ARHGEF9: variants seen among roughly 807,000 people sequenced by gnomAD.
The protein encoded by ARHGEF9 is Cdc42 guanine nucleotide exchange factor 9.
A neutral mutation model predicts 41.3 loss-of-function variants in ARHGEF9; 2 were observed. The ratio of observed to expected loss-of-function variants is 0.05; its 90% CI spans 0.02 to 0.15. ARHGEF9 has a LOEUF of 0.15. Among genes scored for constraint, ARHGEF9 ranks in the 10% least tolerant of loss-of-function variants. ARHGEF9 has a pLI of 1.00. For missense variants in ARHGEF9, 225 were observed against 424.7 expected (o/e 0.53, Z 4.13); for synonymous variants, 160 against 154.4 (o/e 1.04, Z -0.27).
intron 1 of ARHGEF9, among the ~76,000 whole-genome samples, chrX:63,762,735 T>A (rs1213278453): frequency 1.8e-5 from 2 of 111,296 alleles, no homozygotes; most frequent in Admixed American, 9.5e-5. Flanking sequence ...ATACCGGGAC[T>A]TTTTTCAATA....
chrX:63,731,123 G>C, intron 1 of ARHGEF9, among the ~76,000 whole-genome samples: 1 of 112,019 alleles, frequency 8.9e-6, no homozygotes, highest in African/African-American at 3.2e-5. Flanking sequence ...AGATGAGCTG[G>C]ACCTGCCTTC....
At chrX:63,745,662 A>G (rs2147747050) in intron 1 of ARHGEF9, among the ~76,000 whole-genome samples, 1 of 111,568 alleles carries the variant, frequency 9.0e-6, no homozygotes, top group Non-Finnish European at 1.9e-5. Context: ...CACTTGTAAA[A>G]AAAGGAATGG....
intron 9 of ARHGEF9, chrX:63,642,578 G>GC (rs2074469727): frequency 8.9e-6 from 1 of 111,895 alleles, no homozygotes; most frequent in Non-Finnish European, 1.9e-5. Context: ...TGTCTAGTCA[G>GC]CGGAGCTAGG....
At chrX:63,714,791 C>A (rs1423997742) in intron 2 of ARHGEF9, among the ~76,000 whole-genome samples, 2 of 111,744 alleles carry the variant, frequency 1.8e-5, no homozygotes, top group African/African-American at 6.5e-5. Context: ...ATCATCTGCC[C>A]CTAGAACAAT....
intron 1 of ARHGEF9, among the ~76,000 whole-genome samples, chrX:63,777,246 A>G (rs2056308549): frequency 9.0e-6 from 1 of 111,624 alleles, no homozygotes; most frequent in African/African-American, 3.3e-5. Context: ...AGTGTAGAGA[A>G]AAGAGGAGGA....
Position 63,663,687 on chromosome X carries a change from G to C in ARHGEF9, c.1077+2199C>G, listed in dbSNP as rs2049351438. 2.7e-5 allele frequency among the ~76,000 whole-genome samples: 3 copies of C among 111,576 alleles called. No individual in the cohort carries two copies. In the South Asian group the frequency reaches 1.1e-3, roughly 43 times the overall value. On this transcript the variant is annotated intron_variant, in intron 7 of 9. Transcript: ENST00000671741. ...ATTCCTCCCAGCTCTATCTCAAGAA[G>C]AGAGTCTTTTGTAGTAATGGCAAAA...
intron 1 of ARHGEF9, among the ~76,000 whole-genome samples, chrX:63,741,760 CTG>C (rs2054970000): frequency 8.9e-6 from 1 of 112,548 alleles, no homozygotes; most frequent in Non-Finnish European, 1.9e-5. Context: ...ATGTGTGTTC[CTG>C]TGTGTGTATC....
intron 8 of ARHGEF9, among the ~76,000 whole-genome samples, chrX:63,652,970 TCTA>T (rs2048647150): frequency 9.0e-6 from 1 of 111,420 alleles, no homozygotes; most frequent in Non-Finnish European, 1.9e-5. Context: ...CCCTTTGCCT[TCTA>T]CTATGATTCT....
At position 63,740,370 on chromosome X, in the gene ARHGEF9, G is replaced by T. The variant is rs781865232; in HGVS notation, c.31-15659C>A. Among the ~76,000 whole-genome samples, 5 of 112,054 alleles carry T rather than the reference G, an allele frequency of 4.5e-5. 1 individual carries two copies. The South Asian group carries it at 1.9e-3, about 42-fold the overall frequency. ...TCTACAGCTACTCCAATAGGAGTCA[G>T]GTCCAATTGTTGGCAGGAATTGAAT... is the stretch of plus-strand genomic sequence containing the variant. On this transcript the variant is annotated intron_variant, in intron 1 of 9. Coordinates refer to ENST00000671741, the MANE Select transcript of ARHGEF9 (RefSeq NM_001353921.2).
intron 1 of ARHGEF9, among the ~76,000 whole-genome samples, chrX:63,771,056 A>G (rs185446993): frequency 1.8e-5 from 2 of 112,389 alleles, no homozygotes; most frequent in South Asian, 3.7e-4. Context: ...AGACTTTTTA[A>G]TAATAGCTAT....
intron 1 of ARHGEF9, among the ~76,000 whole-genome samples, chrX:63,774,195 C>G (rs2056252866): frequency 9.0e-6 from 1 of 110,878 alleles, no homozygotes; most frequent in African/African-American, 3.3e-5. Flanking sequence ...ATCTGAAGTT[C>G]AGAGAGGTTT....
chrX:63,635,756 A>C lies in ARHGEF9; in HGVS notation c.*2272T>G. 5.2e-6 allele frequency: 1 copy of C among 193,340 alleles called. No individual in the cohort carries two copies. Among genetic ancestry groups the C allele is most frequent in the Non-Finnish European group, 9.3e-6 (1 of 108,092 alleles). The allele number at this position is 193,340 out of a possible 1,213,427, so 15.9% of individuals were successfully genotyped here. On this transcript the variant is annotated 3_prime_UTR_variant, in exon 10 of 10. Transcript: ENST00000671741. Reference sequence around the variant, plus strand: ...AAATGTAGGCCCAGAAACTTGTCCAAGCATCCCCTCCCGGTGTGCTGCCAA... The same window carrying C: ...AAATGTAGGCCCAGAAACTTGTCCACGCATCCCCTCCCGGTGTGCTGCCAA...
At chrX:63,784,990 G>C (rs1210567889) in intron 1 of ARHGEF9, 126 bp downstream of exon 1, 1 of 857,052 alleles carries the variant, frequency 1.2e-6, no homozygotes, top group African/African-American at 2.0e-5. Flanking sequence ...GTGTCTCAAG[G>C]ACGGCGGCTA....
intron 6 of ARHGEF9, among the ~76,000 whole-genome samples, chrX:63,666,453 TACACACACACACAC>T (rs782805278): frequency 2.5e-5 from 2 of 81,262 alleles, no homozygotes; most frequent in Admixed American, 1.4e-4. Flanking sequence ...TATATATACA[TACACACACACACAC>T]ACACACACAC....
chrX:63,644,438 T>C (rs782118531), intron 8 of ARHGEF9, among the ~76,000 whole-genome samples: 2 of 110,949 alleles, frequency 1.8e-5, no homozygotes, highest in East Asian at 5.7e-4. Context: ...CAAATGTATA[T>C]ATAGATTATA....
chrX:63,721,228 T>C (rs2053616637), intron 2 of ARHGEF9, among the ~76,000 whole-genome samples: 1 of 111,617 alleles, frequency 9.0e-6, no homozygotes, highest in Admixed American at 9.5e-5. Flanking sequence ...TCTGGAACAA[T>C]GGGCTTTCCT....
At chrX:63,719,281 G>A (rs1422081553) in intron 2 of ARHGEF9, among the ~76,000 whole-genome samples, 1 of 112,108 alleles carries the variant, frequency 8.9e-6, no homozygotes, top group African/African-American at 3.2e-5. Flanking sequence ...TTTGAAGCTT[G>A]AATGGATAAA....
chrX:63,729,548 G>T (rs1556419052), intron 1 of ARHGEF9, among the ~76,000 whole-genome samples: 1 of 111,897 alleles, frequency 8.9e-6, no homozygotes, highest in Non-Finnish European at 1.9e-5. Context: ...CTATAGCAGA[G>T]ATTATATTCT....
chrX:63,719,601 G>A (rs1556412312), intron 2 of ARHGEF9: 1 of 295,536 alleles, frequency 3.4e-6, no homozygotes. Context: ...ACTTACAGGG[G>A]ACTGTGTAAT....
Sources: allele counts gnomAD v4.1 joint callset (sites outside exome capture counted in the v4.1 genomes callset), GRCh38; gene constraint gnomAD v4.1.1; transcripts MANE v1.5; gene names NCBI Gene and HGNC (gene_info 2026-07-23, HGNC 2026-07-21).